The following ZNF451 variants were observed in gnomAD, a reference collection of about 807,000 sequenced individuals.
ZNF451 encodes the protein zinc finger protein 451.
ZNF451 carries 80 observed loss-of-function variants against 107.1 expected under a neutral mutation model. The observed-to-expected ratio is 0.75, with a 90% CI of 0.62 to 0.90. The LOEUF (loss-of-function observed/expected upper bound fraction) is 0.90, where lower values mean the gene tolerates loss of function less well. ZNF451 is among the 40% of genes least tolerant of loss of function. The pLI is 0.00. For missense variants in ZNF451, 1,107 were observed against 1,236.2 expected (o/e 0.90, Z 1.57); for synonymous variants, 362 against 406.5 (o/e 0.89, Z 1.32).
At chr6:57,104,121 C>T in intron 3 of ZNF451, 1 of 984,632 alleles carries the variant, frequency 1.0e-6, no homozygotes, top group Non-Finnish European at 1.2e-6. Context: ...AATTTTATTT[C>T]CACTTCTGTA....
intron 2 of ZNF451, 66 bp from the exon 3 acceptor site, chr6:57,098,995 A>G: frequency 7.7e-7 from 1 of 1,290,788 alleles, no homozygotes; most frequent in East Asian, 2.3e-5. Flanking sequence ...AAAACACTGT[A>G]GGTTTAAATG....
chr6:57,094,071 A>G (rs1829174141), intron 2 of ZNF451, among the ~76,000 whole-genome samples: 2 of 152,284 alleles, frequency 1.3e-5, no homozygotes, highest in Admixed American at 1.3e-4. Flanking sequence ...AGTAGACCAT[A>G]TTTTGGTGTA....
intron 12 of ZNF451, among the ~76,000 whole-genome samples, chr6:57,152,844 T>G (rs901226231): frequency 6.6e-6 from 1 of 152,192 alleles, no homozygotes; most frequent in African/African-American, 2.4e-5. Flanking sequence ...TCTGCCCGCC[T>G]AGGCCTCCCA....
intron 2 of ZNF451, among the ~76,000 whole-genome samples, chr6:57,095,566 C>CTT (rs1464956997): frequency 1.3e-5 from 2 of 151,980 alleles, no homozygotes; most frequent in African/African-American, 4.8e-5. Flanking sequence ...CTCCTGGACT[C>CTT]AAGTGATCCT....
rs1763687797 is a variant in ZNF451 at position 57,161,850 on chromosome 6, AAC to A, written c.3139+701_3139+702del. On this transcript the variant is annotated intron_variant, in intron 14 of 14. Transcript: ENST00000370706. ...GCTGGTATTACAGGCGTGTGCCACT[AAC>A]ACGCCCAGCTAAAAATTAAAATTCT... is the stretch of plus-strand genomic sequence containing the variant. Among the ~76,000 whole-genome samples, 5 of 152,172 alleles carry A rather than the reference AAC, an allele frequency of 3.3e-5. No homozygotes were observed. The South Asian group carries it at 1.0e-3, about 32-fold the overall frequency.
At chr6:57,101,377 TCTTC>T in intron 3 of ZNF451, 1 of 1,550,684 alleles carries the variant, frequency 6.4e-7, no homozygotes, top group Admixed American at 2.0e-5. Context: ...TTGCCATCCT[TCTTC>T]CTTCATGGGA....
chr6:57,149,323 G>A (rs1832238262), intron 10 of ZNF451, among the ~76,000 whole-genome samples: 1 of 152,076 alleles, frequency 6.6e-6, no homozygotes, highest in Admixed American at 6.6e-5. Context: ...CAGGTGTTAT[G>A]TTTTTATTTT....
At chr6:57,108,570 C>T (rs1188791701) in intron 3 of ZNF451, 18 of 985,102 alleles carry the variant, frequency 1.8e-5, no homozygotes, top group East Asian at 1.1e-4. Context: ...GTATGCAGCC[C>T]GTTCCTTTTT....
chr6:57,121,833 C>G (rs768411082), intron 3 of ZNF451, among the ~76,000 whole-genome samples: 9 of 152,122 alleles, frequency 5.9e-5, no homozygotes, highest in African/African-American at 1.7e-4. Context: ...TAACACTGTT[C>G]TTATCAAACT....
At chr6:57,098,910 T>G (rs9367711) in intron 2 of ZNF451, 151 bp from the exon 3 acceptor site, 43,313 of 574,006 alleles carry the variant, frequency 0.075, 2,139 homozygotes, top group Admixed American at 0.083. Flanking sequence ...TTTCCTCTGC[T>G]GCTTTTGTTC....
At chr6:57,133,439 A>G (rs1831277850) in intron 6 of ZNF451, among the ~76,000 whole-genome samples, 1 of 152,206 alleles carries the variant, frequency 6.6e-6, no homozygotes, top group Non-Finnish European at 1.5e-5. Flanking sequence ...TACAGCTTAT[A>G]AAGTTCTAAA....
chr6:57,093,785 A>G (rs958675682), intron 2 of ZNF451, among the ~76,000 whole-genome samples: 10 of 152,384 alleles, frequency 6.6e-5, no homozygotes, highest in Admixed American at 4.6e-4. Flanking sequence ...AGAGAGGATT[A>G]TGTGTAGTCG....
At chr6:57,146,052 T>A (rs1040347668) in intron 9 of ZNF451, among the ~76,000 whole-genome samples, 1 of 152,190 alleles carries the variant, frequency 6.6e-6, no homozygotes, top group East Asian at 1.9e-4. Context: ...TGATTAGTAA[T>A]GTTGAGTATT....
intron 14 of ZNF451, among the ~76,000 whole-genome samples, chr6:57,163,567 C>T (rs1763772922): frequency 6.8e-6 from 1 of 147,622 alleles, no homozygotes; most frequent in African/African-American, 2.5e-5. Context: ...TCTCCTGCCT[C>T]AGCCTCCCGA....
rs1458428262 is a variant in ZNF451 at position 57,138,708 on chromosome 6, T to C, written c.703-2594T>C. ...AGAATGTATTTGCAGCTATGCCATA[T>C]ATATATATATATATATATATATATA... On this transcript the variant is annotated intron_variant, in intron 7 of 14. Transcript: ENST00000370706. Among the ~76,000 whole-genome samples the C allele has an allele frequency of 6.2e-3, 138 of 22,134 alleles. 1 individual carries two copies. The highest frequency in any genetic ancestry group is 0.031 in the African/African-American group (135 of 4,340). 14.5% of individuals were successfully genotyped at this position (22,134 alleles called of 152,430 possible). A position where few individuals can be genotyped will look rare whatever the true frequency, so the allele number is the denominator to read the frequency against.
chr6:57,142,116 G>C (rs761942718), intron 9 of ZNF451, 21 bp downstream of exon 9: 1 of 1,585,648 alleles, frequency 6.3e-7, no homozygotes, highest in Non-Finnish European at 8.6e-7. Flanking sequence ...GTCTGGAGCT[G>C]TAAAGGAATA....
intron 3 of ZNF451, among the ~76,000 whole-genome samples, chr6:57,099,948 G>C (rs1829512763): frequency 6.6e-6 from 1 of 152,136 alleles, no homozygotes; most frequent in African/African-American, 2.4e-5. Context: ...CTGTGACTTT[G>C]GATAAATTAA....
At chr6:57,139,682 G>C (rs116600917) in intron 7 of ZNF451, among the ~76,000 whole-genome samples, 1,684 of 152,146 alleles carry the variant, frequency 0.011, 30 homozygotes, top group African/African-American at 0.039. Context: ...GGTAGAGGAG[G>C]CTCTTAACAA....
At chr6:57,101,698 A>T in intron 3 of ZNF451, 1 of 1,550,644 alleles carries the variant, frequency 6.4e-7, no homozygotes, top group Non-Finnish European at 8.7e-7. Flanking sequence ...ATCTGATGGT[A>T]TGGATGCAGG....
Sources: gnomAD v4.1 joint callset for allele counts (sites outside exome capture counted in the v4.1 genomes callset) on GRCh38, gnomAD v4.1.1 for gene constraint, MANE v1.5 for transcripts, NCBI Gene and HGNC (gene_info 2026-07-23, HGNC 2026-07-21) for gene names.